ARFGEF2: variants seen among roughly 807,000 people sequenced by gnomAD.
ARFGEF2 encodes ARF guanine nucleotide exchange factor 2.
A neutral mutation model predicts 219.9 loss-of-function variants in ARFGEF2; 74 were observed. The ratio of observed to expected loss-of-function variants is 0.34; its 90% CI spans 0.28 to 0.41. The LOEUF (loss-of-function observed/expected upper bound fraction) is 0.41, where lower values mean the gene tolerates loss of function less well. Ranked by LOEUF, ARFGEF2 falls within the 10% of genes least tolerant of loss-of-function variation. The probability of loss-of-function intolerance (pLI) is 1.00; values close to 1 mark genes in which losing one functional copy is unlikely to be tolerated. For synonymous variants in ARFGEF2, 733 were observed against 799.2 expected (o/e 0.92, Z 1.40); for missense variants, 1,743 against 2,218.3 (o/e 0.79, Z 4.30).
intron 6 of ARFGEF2, among the ~76,000 whole-genome samples, chr20:48,956,302 T>TC (rs1209107077): frequency 3.3e-5 from 5 of 152,152 alleles, no homozygotes; most frequent in Admixed American, 1.3e-4. Flanking sequence ...TAACTGGGAA[T>TC]CCCCCCCACA....
intron 23 of ARFGEF2, among the ~76,000 whole-genome samples, chr20:48,997,356 T>C (rs1421227835): frequency 6.6e-6 from 1 of 152,220 alleles, no homozygotes; most frequent in African/African-American, 2.4e-5. Flanking sequence ...CACTGCAACC[T>C]CTGCCTCCCA....
At chr20:48,928,425 C>T (rs192437266) in intron 1 of ARFGEF2, among the ~76,000 whole-genome samples, 19,604 of 144,864 alleles carry the variant, frequency 0.14, 1,734 homozygotes, top group East Asian at 0.36. Flanking sequence ...GTCTCGATCT[C>T]CTGACCTCGT....
At chr20:48,959,849 C>T (rs770621152) in intron 6 of ARFGEF2, among the ~76,000 whole-genome samples, 1 of 151,958 alleles carries the variant, frequency 6.6e-6, no homozygotes, top group Non-Finnish European at 1.5e-5. Context: ...ATCCTCCCCA[C>T]CTCAACCTCC....
intron 25 of ARFGEF2, among the ~76,000 whole-genome samples, chr20:49,002,098 C>T (rs556252190): frequency 6.3e-4 from 96 of 152,134 alleles, no homozygotes; most frequent in African/African-American, 1.8e-3. Flanking sequence ...ATTAGCAGGG[C>T]GCGGTAGTGG....
At chr20:49,005,694 C>T (rs1234541160) in intron 26 of ARFGEF2, among the ~76,000 whole-genome samples, 6 of 144,102 alleles carry the variant, frequency 4.2e-5, no homozygotes, top group Admixed American at 2.2e-4. Context: ...GCCAAGATTG[C>T]GCCACTGCAC....
At chr20:48,946,931 A>T (rs1007159602) in intron 3 of ARFGEF2, among the ~76,000 whole-genome samples, 2 of 152,060 alleles carry the variant, frequency 1.3e-5, no homozygotes, top group African/African-American at 4.8e-5. Context: ...CCTCCCGAGT[A>T]GCTGGGACTA....
intron 1 of ARFGEF2, among the ~76,000 whole-genome samples, chr20:48,937,359 C>T (rs1327946605): frequency 6.6e-6 from 1 of 152,234 alleles, no homozygotes; most frequent in East Asian, 1.9e-4. Flanking sequence ...ATCATCTGGG[C>T]CCCTACTGGG....
Position 49,013,971 on chromosome 20 carries a change from A to G in ARFGEF2, c.4179+11A>G, listed in dbSNP as rs775638309. ...GAGCAACTGTCAGAGGTAGGTGATA[A>G]CTACAGCACTGCCCTAGGTATGATG... On this transcript the variant is annotated intron_variant, in intron 30 of 38. Transcript: ENST00000371917. 40 of 1,613,874 alleles carry G rather than the reference A, an allele frequency of 2.5e-5. No homozygotes were observed. The highest frequency in any genetic ancestry group is 3.4e-5 in the Non-Finnish European group (40 of 1,179,846).
At chr20:48,950,532 C>T (rs886617477) in intron 3 of ARFGEF2, among the ~76,000 whole-genome samples, 2 of 151,826 alleles carry the variant, frequency 1.3e-5, no homozygotes, top group Non-Finnish European at 2.9e-5. Context: ...CGGTGGCTCA[C>T]ATCTGTAATT....
chr20:48,969,483 G>A (rs2091211998), intron 9 of ARFGEF2, among the ~76,000 whole-genome samples: 1 of 152,170 alleles, frequency 6.6e-6, no homozygotes, highest in African/African-American at 2.4e-5. Context: ...CACCAACCAA[G>A]ATTTTGCCCA....
chr20:49,036,153 G>A lies in ARFGEF2; in HGVS notation c.*2954G>A. ...CAAATGGATATTGGTTTCAATAGAA[G>A]CTGGATCCTTAATACTGCATTTTCT... is the stretch of plus-strand genomic sequence containing the variant. On this transcript the variant is annotated 3_prime_UTR_variant, in exon 39 of 39. Coordinates refer to ENST00000371917, the MANE Select transcript of ARFGEF2 (RefSeq NM_006420.3). The A allele has an allele frequency of 2.5e-6, 1 of 398,296 alleles. No individual in the cohort carries two copies. The highest frequency in any genetic ancestry group is 3.6e-5 in the East Asian group (1 of 27,986). The allele number at this position is 398,296 out of a possible 1,614,324, so 24.7% of individuals were successfully genotyped here.
chr20:48,973,044 T>C (rs2091238128), intron 11 of ARFGEF2, 101 bp from the exon 12 acceptor site: 1 of 1,352,822 alleles, frequency 7.4e-7, no homozygotes, highest in Non-Finnish European at 1.1e-6. Flanking sequence ...CACCGGAGTC[T>C]GTAGTTCACT....
At chr20:48,989,779 C>T (rs1028942636) in intron 20 of ARFGEF2, 95 bp downstream of exon 20, 13 of 1,571,986 alleles carry the variant, frequency 8.3e-6, no homozygotes, top group Non-Finnish European at 1.1e-5. Flanking sequence ...TTCAGTTAAT[C>T]AAGACTCTTA....
Position 49,011,148 on chromosome 20 carries a change from A to G in ARFGEF2, c.3757+744A>G, listed in dbSNP as rs114035490. 7.8e-3 allele frequency among the ~76,000 whole-genome samples: 1,183 copies of G among 152,350 alleles called. 18 individuals carry two copies. Among genetic ancestry groups the G allele is most frequent in the African/African-American group, 0.026 (1,087 of 41,586 alleles). ...TCCTTCAGGCATGAGTTACAGTGCT[A>G]TATTGGCTGTGAGTTCGGTGTTAAT... On this transcript the variant is annotated intron_variant, in intron 27 of 38. Coordinates refer to ENST00000371917, the MANE Select transcript of ARFGEF2 (RefSeq NM_006420.3).
intron 6 of ARFGEF2, 80 bp downstream of exon 6, chr20:48,953,870 T>C: frequency 2.9e-6 from 4 of 1,361,606 alleles, no homozygotes; most frequent in Non-Finnish European, 4.1e-6. Flanking sequence ...GTGTATGTCA[T>C]AACATCTGAA....
At chr20:48,972,449 T>G in intron 11 of ARFGEF2, 24 bp downstream of exon 11, 1 of 1,536,654 alleles carries the variant, frequency 6.5e-7, no homozygotes, top group Non-Finnish European at 9.0e-7. Context: ...GGGACACTCA[T>G]CCACTGGACT....
At position 48,921,939 on chromosome 20, in the gene ARFGEF2, A is replaced by C; in HGVS notation, c.50A>C (p.Lys17Thr). 6.4e-7 allele frequency: 1 copy of C among 1,564,692 alleles called. No homozygotes were observed. Among genetic ancestry groups the C allele is most frequent in the Non-Finnish European group, 8.7e-7 (1 of 1,154,836 alleles). The change falls in exon 1 of 39, where the codon AAG becomes ACG. Residue 17 changes from lysine to threonine, a missense_variant. Around this residue, in one of 5 missense-constraint regions of ARFGEF2, gnomAD observed 394 missense variants for 426.6 expected, o/e 0.92. Transcript: ENST00000371917. ...ATGTTCGTGTCCCGGGCCCTGGAGA[A>C]GATCCTAGCCGACAAGGAGGTGAAG... ...KSMFVSRALE[K>T]ILADKEVKRP...
intron 33 of ARFGEF2, among the ~76,000 whole-genome samples, chr20:49,017,752 A>G (rs2091539892): frequency 6.6e-6 from 1 of 152,214 alleles, no homozygotes; most frequent in Non-Finnish European, 1.5e-5. Flanking sequence ...TAAAAAGCAC[A>G]GTTTACATTT....
chr20:48,978,720 A>T (rs573870692), intron 14 of ARFGEF2, among the ~76,000 whole-genome samples: 1 of 152,064 alleles, frequency 6.6e-6, no homozygotes, highest in African/African-American at 2.4e-5. Flanking sequence ...TAGGTATTTT[A>T]TTCTCTTTGT....
Sources: allele counts gnomAD v4.1 joint callset (sites outside exome capture counted in the v4.1 genomes callset), GRCh38; gene constraint gnomAD v4.1.1; regional missense constraint gnomAD v4.1.1; transcripts MANE v1.5; gene names NCBI Gene and HGNC (gene_info 2026-07-23, HGNC 2026-07-21).